The following ZNF69 variants were observed in gnomAD, a reference collection of about 807,000 sequenced individuals.
ZNF69 encodes the protein zinc finger protein 69, also known as ZNF3.
A neutral mutation model predicts 50.9 loss-of-function variants in ZNF69; 47 were observed. The ratio of observed to expected loss-of-function variants is 0.92; its 90% CI spans 0.73 to 1.18. ZNF69 has a LOEUF of 1.18. Among genes scored for constraint, ZNF69 ranks in the 50% most tolerant of loss-of-function variants. The pLI, the probability that ZNF69 is intolerant of heterozygous loss-of-function variation, is 0.00. For synonymous variants in ZNF69, 216 were observed against 223.1 expected (o/e 0.97, Z 0.29); for missense variants, 717 against 675.1 (o/e 1.06, Z -0.69).
chr19:11,889,740 C>T (rs1036952904), intron 1 of ZNF69, among the ~76,000 whole-genome samples: 2 of 152,160 alleles, frequency 1.3e-5, no homozygotes, highest in Admixed American at 6.5e-5. Flanking sequence ...AGGGGACCGG[C>T]GCTCAACATG....
chr19:11,899,526 G>T (rs1972198676), intron 1 of ZNF69, among the ~76,000 whole-genome samples: 1 of 152,152 alleles, frequency 6.6e-6, no homozygotes, highest in Non-Finnish European at 1.5e-5. Context: ...TGAGCCTGGT[G>T]TGATGCCTCA....
the ZNF69 span, chr19:11,946,655 C>A: frequency 6.6e-6 from 1 of 152,320 alleles, no homozygotes; most frequent in Admixed American, 6.5e-5. Flanking sequence ...GGCCAACCCA[C>A]CTCTAATGCT....
At chr19:11,914,660 A>T (rs1175038648), downstream of ZNF69, among the ~76,000 whole-genome samples, 1 of 152,180 alleles carries the variant, frequency 6.6e-6, no homozygotes, top group Non-Finnish European at 1.5e-5. Flanking sequence ...TCTTTTATAT[A>T]TTATGCAACG....
the ZNF69 span, among the ~76,000 whole-genome samples, chr19:11,954,348 T>C: frequency 6.6e-6 from 1 of 152,080 alleles, no homozygotes; most frequent in African/African-American, 2.4e-5. Context: ...TCAGAGAGAA[T>C]AGGTGGGAAA....
At chr19:11,931,770 A>G in the ZNF69 span, among the ~76,000 whole-genome samples, 1,300 of 148,078 alleles carry the variant, frequency 8.8e-3, 52 homozygotes, top group Admixed American at 0.016. Flanking sequence ...TTTTTGCATA[A>G]TAATCATTTT....
chr19:11,899,896 C>T (rs1340800210), intron 1 of ZNF69, among the ~76,000 whole-genome samples: 1 of 152,108 alleles, frequency 6.6e-6, no homozygotes, highest in Non-Finnish European at 1.5e-5. Flanking sequence ...TTGGAAGTGT[C>T]AGTGTTTTGG....
downstream of ZNF69, among the ~76,000 whole-genome samples, chr19:11,918,927 G>T (rs1295585360): frequency 3.5e-5 from 5 of 143,796 alleles, no homozygotes; most frequent in African/African-American, 1.3e-4. Context: ...ACGGAGTCTC[G>T]CTGTGTCGCC....
chr19:11,957,117 G>C, the ZNF69 span, among the ~76,000 whole-genome samples: 1 of 149,902 alleles, frequency 6.7e-6, no homozygotes, highest in Admixed American at 6.6e-5. Flanking sequence ...TTTGAGATGG[G>C]GTCTCGCTCT....
downstream of ZNF69, among the ~76,000 whole-genome samples, chr19:11,916,567 A>G (rs538339684): frequency 3.9e-5 from 6 of 152,342 alleles, no homozygotes; most frequent in African/African-American, 1.4e-4. Flanking sequence ...GTGAGCCAAG[A>G]TCATGCTACT....
chr19:11,925,796 A>G, the ZNF69 span, among the ~76,000 whole-genome samples: 1 of 152,232 alleles, frequency 6.6e-6, no homozygotes, highest in Non-Finnish European at 1.5e-5. Flanking sequence ...AAAATAAAGA[A>G]GTTTATTCAG....
At chr19:11,934,523 G>C in the ZNF69 span, among the ~76,000 whole-genome samples, 1 of 146,558 alleles carries the variant, frequency 6.8e-6, no homozygotes, top group East Asian at 1.9e-4. Context: ...TTTTTTCTTT[G>C]TTTGTTTGTT....
At chr19:11,976,631 C>T in the ZNF69 span, among the ~76,000 whole-genome samples, 19 of 150,790 alleles carry the variant, frequency 1.3e-4, no homozygotes, top group East Asian at 3.1e-3. Context: ...CTTTGGGAGG[C>T]CGAGGCTGGC....
At chr19:11,896,002 C>A (rs1488964788) in intron 1 of ZNF69, among the ~76,000 whole-genome samples, 1 of 151,810 alleles carries the variant, frequency 6.6e-6, no homozygotes, top group Non-Finnish European at 1.5e-5. Flanking sequence ...GGCGGAACAC[C>A]CGAGGTCAGG....
chr19:11,977,273 A>C, the ZNF69 span: 29 of 1,603,220 alleles, frequency 1.8e-5, no homozygotes, highest in Non-Finnish European at 2.2e-5. Context: ...TTGATGAATA[A>C]ATGAGGCATG....
At chr19:11,949,090 A>C in the ZNF69 span, 66 of 1,611,498 alleles carry the variant, frequency 4.1e-5, no homozygotes, top group Non-Finnish European at 5.9e-6. Context: ...CATAAGAATG[A>C]ACTCTGGAGA....
the ZNF69 span, among the ~76,000 whole-genome samples, chr19:11,974,896 C>T: frequency 6.6e-6 from 1 of 152,208 alleles, no homozygotes; most frequent in Non-Finnish European, 1.5e-5. Flanking sequence ...AGCCACCACA[C>T]CTGGCTGCTA....
At chr19:11,972,529 CCTTA>C in the ZNF69 span, among the ~76,000 whole-genome samples, 43 of 152,052 alleles carry the variant, frequency 2.8e-4, no homozygotes, top group African/African-American at 9.6e-4. Flanking sequence ...AAGATAATTG[CCTTA>C]CTTTTTATAC....
chr19:11,904,320 C>T (rs1015865488), intron 3 of ZNF69, among the ~76,000 whole-genome samples: 14 of 152,236 alleles, frequency 9.2e-5, no homozygotes, highest in African/African-American at 3.1e-4. Context: ...GTAAAGGCTG[C>T]AGTAAGCTAT....
At chr19:11,949,647 TGGTAAA>T in the ZNF69 span, 8 of 1,613,406 alleles carry the variant, frequency 5.0e-6, no homozygotes, top group African/African-American at 8.0e-5. Context: ...GCAACCAATG[TGGTAAA>T]GCCTTCAGAT....
Sources: allele counts gnomAD v4.1 joint callset (sites outside exome capture counted in the v4.1 genomes callset), GRCh38; gene constraint gnomAD v4.1.1; transcripts MANE v1.5; gene names NCBI Gene and HGNC (gene_info 2026-07-23, HGNC 2026-07-21).